Variants in KIAA1958 observed in about 807,000 individuals in gnomAD.
The protein encoded by KIAA1958 is uncharacterized protein KIAA1958.
A neutral mutation model predicts 47.2 loss-of-function variants in KIAA1958; 14 were observed. That is an observed-to-expected ratio of 0.30 (90% CI 0.20 to 0.46). The LOEUF (loss-of-function observed/expected upper bound fraction) is 0.46. KIAA1958 is among the 20% of genes least tolerant of loss of function. The pLI is 1.00. For synonymous variants in KIAA1958, 354 were observed against 353.3 expected, an observed-to-expected ratio of 1.00 and a Z score of -0.02; for missense variants, 803 against 909.2, an observed-to-expected ratio of 0.88 and a Z score of 1.50.
At chr9:112,532,007 C>T (rs781032412) in intron 1 of KIAA1958, among the ~76,000 whole-genome samples, 25 of 152,220 alleles carry the variant, frequency 1.6e-4, no homozygotes, top group Non-Finnish European at 3.2e-4. Flanking sequence ...GACCGCTTCA[C>T]ATTCCTCTCA....
At chr9:112,488,539 G>A (rs1313412292) in intron 1 of KIAA1958, among the ~76,000 whole-genome samples, 2 of 152,050 alleles carry the variant, frequency 1.3e-5, no homozygotes, top group Non-Finnish European at 2.9e-5. Context: ...CACCCTGTGA[G>A]AATTTATATT....
At chr9:112,615,151 G>A (rs774994548) in intron 2 of KIAA1958, among the ~76,000 whole-genome samples, 4 of 152,106 alleles carry the variant, frequency 2.6e-5, no homozygotes, top group Admixed American at 6.5e-5. Flanking sequence ...GCCGGGCATG[G>A]TGGCTCATGC....
At chr9:112,586,373 A>G (rs1835822390) in intron 2 of KIAA1958, among the ~76,000 whole-genome samples, 1 of 152,218 alleles carries the variant, frequency 6.6e-6, no homozygotes, top group South Asian at 2.1e-4. Context: ...ATTTTTGTGG[A>G]CTAGTGACCT....
At chr9:112,635,926 C>T (rs1836798034) in intron 2 of KIAA1958, among the ~76,000 whole-genome samples, 1 of 151,506 alleles carries the variant, frequency 6.6e-6, no homozygotes. Flanking sequence ...TTCTAAATTT[C>T]TTGGTACAGT....
rs998792377 is a variant in KIAA1958 at position 112,660,899 on chromosome 9, T to G, written c.*830T>G. 3 of 152,238 alleles carry G rather than the reference T, an allele frequency of 2.0e-5. No individual in the cohort carries two copies. The highest frequency in any genetic ancestry group is 7.2e-5 in the African/African-American group (3 of 41,462). 9.4% of individuals were successfully genotyped at this position (152,238 alleles called of 1,614,324 possible). A position where few individuals can be genotyped will look rare whatever the true frequency, so the allele number is the denominator to read the frequency against. On this transcript the variant is annotated 3_prime_UTR_variant, in exon 4 of 4. Coordinates refer to ENST00000337530, the MANE Select transcript of KIAA1958 (RefSeq NM_133465.4). Reference sequence around the variant, plus strand: ...AGCAGAAGTGCCTATGTTTTATTTCTCAGCACCATGTGAGAGCTCCTTTGA... The same window carrying G: ...AGCAGAAGTGCCTATGTTTTATTTCGCAGCACCATGTGAGAGCTCCTTTGA...
At position 112,539,110 on chromosome 9, in the gene KIAA1958, T is replaced by C. The variant is rs1249718586; in HGVS notation, c.-24-34947T>C. 2.0e-5 allele frequency among the ~76,000 whole-genome samples: 3 copies of C among 152,226 alleles called. No homozygotes were observed. The South Asian group carries it at 6.2e-4, about 31-fold the overall frequency. On this transcript the variant is annotated intron_variant, in intron 1 of 3. Transcript: ENST00000337530. ...CATCACTAGTAGAAGTTTAAAATTATGCAACTGCTTTGGAAAACAGTCTAG... is the reference window on the plus strand; with the variant it reads ...CATCACTAGTAGAAGTTTAAAATTACGCAACTGCTTTGGAAAACAGTCTAG...
chr9:112,629,824 CTAA>C (rs1836678179), intron 2 of KIAA1958, among the ~76,000 whole-genome samples: 2 of 152,198 alleles, frequency 1.3e-5, no homozygotes, highest in Admixed American at 1.3e-4. Context: ...ATAAAGTCAG[CTAA>C]TGAGTGTCAA....
intron 2 of KIAA1958, among the ~76,000 whole-genome samples, chr9:112,622,656 A>G (rs970482078): frequency 2.0e-5 from 3 of 152,162 alleles, no homozygotes; most frequent in Non-Finnish European, 2.9e-5. Flanking sequence ...AATTTTCCCT[A>G]TGTTAAATCA....
intron 1 of KIAA1958, among the ~76,000 whole-genome samples, chr9:112,496,371 T>C (rs1178801536): frequency 6.6e-6 from 1 of 152,196 alleles, no homozygotes; most frequent in Non-Finnish European, 1.5e-5. Flanking sequence ...ACAGGCAGAA[T>C]CATTCTGTTC....
chr9:112,527,262 A>G (rs1356975530), intron 1 of KIAA1958, among the ~76,000 whole-genome samples: 1 of 152,194 alleles, frequency 6.6e-6, no homozygotes, highest in East Asian at 1.9e-4. Context: ...GTGGAGAGTA[A>G]TTGGTAGTGG....
At chr9:112,619,097 A>C (rs1284215126) in intron 2 of KIAA1958, 3 of 480,616 alleles carry the variant, frequency 6.2e-6, no homozygotes, top group African/African-American at 2.1e-5. Flanking sequence ...TTACTAACAT[A>C]GTATTTATAG....
intron 3 of KIAA1958, among the ~76,000 whole-genome samples, chr9:112,653,750 A>G (rs187576469): frequency 4.8e-4 from 73 of 152,234 alleles, no homozygotes; most frequent in Non-Finnish European, 8.4e-4. Context: ...AAATATAACA[A>G]TTAGCTGGGC....
chr9:112,570,075 A>G (rs1649396881), intron 1 of KIAA1958, among the ~76,000 whole-genome samples: 1 of 152,266 alleles, frequency 6.6e-6, no homozygotes, highest in African/African-American at 2.4e-5. Flanking sequence ...TTATTAGCTA[A>G]CGTGAAGCAT....
intron 1 of KIAA1958, among the ~76,000 whole-genome samples, chr9:112,555,196 G>A (rs1564170630): frequency 6.6e-6 from 1 of 152,154 alleles, no homozygotes; most frequent in South Asian, 2.1e-4. Flanking sequence ...GAGGTGGTAG[G>A]CGTGGTTGCT....
rs1837260626 is a variant in KIAA1958, at chr9:112,660,560, T to A, written c.*491T>A. On this transcript the variant is annotated 3_prime_UTR_variant, in exon 4 of 4. Coordinates refer to ENST00000337530, the MANE Select transcript of KIAA1958 (RefSeq NM_133465.4). ...TTTCCAGGAGACAGATTGCGCTTGA[T>A]GCGCCTTTTTTTTCTGTTGGTGGAT... The A allele has an allele frequency of 6.3e-6, 1 of 158,148 alleles. No individual in the cohort carries two copies. Among genetic ancestry groups the A allele is most frequent in the Admixed American group, 6.0e-5 (1 of 16,712 alleles). The allele number at this position is 158,148 out of a possible 1,614,324, so 9.8% of individuals were successfully genotyped here.
At chr9:112,524,733 T>G (rs899496912) in intron 1 of KIAA1958, among the ~76,000 whole-genome samples, 14 of 152,190 alleles carry the variant, frequency 9.2e-5, no homozygotes, top group Non-Finnish European at 1.6e-4. Flanking sequence ...AGGAACTGAA[T>G]TTTTAATTAT....
intron 2 of KIAA1958, among the ~76,000 whole-genome samples, chr9:112,638,082 A>G (rs1836835128): frequency 6.6e-6 from 1 of 152,054 alleles, no homozygotes; most frequent in South Asian, 2.1e-4. Context: ...CCAAGAGGCA[A>G]AGTTTGCAGT....
intron 1 of KIAA1958, among the ~76,000 whole-genome samples, chr9:112,551,432 T>C (rs1187279357): frequency 6.6e-6 from 1 of 152,236 alleles, no homozygotes; most frequent in Non-Finnish European, 1.5e-5. Context: ...ATCCATGTTG[T>C]TAGCCAGTAT....
intron 1 of KIAA1958, among the ~76,000 whole-genome samples, chr9:112,512,900 C>G (rs1441391829): frequency 6.6e-6 from 1 of 152,034 alleles, no homozygotes; most frequent in Non-Finnish European, 1.5e-5. Flanking sequence ...TGCAGTGGCA[C>G]GATCTTGGCT....
Sources: gnomAD v4.1 joint callset for allele counts (sites outside exome capture counted in the v4.1 genomes callset) on GRCh38, gnomAD v4.1.1 for gene constraint, MANE v1.5 for transcripts, NCBI Gene and HGNC (gene_info 2026-07-23, HGNC 2026-07-21) for gene names.